The following FBXL17 variants were observed in gnomAD, a reference collection of about 807,000 sequenced individuals.
FBXL17 encodes F-box and leucine rich repeat protein 17, also known as F-box/LRR-repeat protein 17.
A neutral mutation model predicts 66.2 loss-of-function variants in FBXL17; 22 were observed. That is an observed-to-expected ratio of 0.33 (90% CI 0.24 to 0.47). FBXL17 has a LOEUF of 0.47. Ranked by LOEUF, FBXL17 falls within the 20% of genes least tolerant of loss-of-function variation. FBXL17 has a pLI of 1.00. For synonymous variants in FBXL17, 474 were observed against 400.5 expected (o/e 1.18, Z -2.19); for missense variants, 878 against 948.2 (o/e 0.93, Z 0.97).
intron 7 of FBXL17, among the ~76,000 whole-genome samples, chr5:107,914,804 A>G (rs1216844901): frequency 6.6e-6 from 1 of 152,180 alleles, no homozygotes; most frequent in African/African-American, 2.4e-5. Flanking sequence ...GACAAAGTGG[A>G]AGGAATTGGA....
intron 4 of FBXL17, among the ~76,000 whole-genome samples, chr5:108,296,270 G>A (rs533211103): frequency 4.6e-5 from 7 of 151,820 alleles, no homozygotes; most frequent in African/African-American, 1.7e-4. Context: ...AAAAGCAAGA[G>A]GAGTCAAGGG....
intron 4 of FBXL17, among the ~76,000 whole-genome samples, chr5:108,314,056 T>G (rs1189670199): frequency 1.3e-5 from 2 of 151,838 alleles, no homozygotes; most frequent in East Asian, 3.9e-4. Flanking sequence ...AAATAGGAGT[T>G]CTTTGTGCTA....
At chr5:107,929,090 T>C (rs1478102739) in intron 7 of FBXL17, among the ~76,000 whole-genome samples, 1 of 152,182 alleles carries the variant, frequency 6.6e-6, no homozygotes, top group African/African-American at 2.4e-5. Context: ...AAATCTCTCT[T>C]TATCTCAAAG....
At chr5:108,122,687 C>G (rs548008351) in intron 6 of FBXL17, among the ~76,000 whole-genome samples, 1 of 152,282 alleles carries the variant, frequency 6.6e-6, no homozygotes, top group African/African-American at 2.4e-5. Context: ...AACATATACT[C>G]AAAGTCAGGG....
intron 7 of FBXL17, among the ~76,000 whole-genome samples, chr5:107,994,160 T>C (rs1056695372): frequency 6.6e-6 from 1 of 152,198 alleles, no homozygotes. Context: ...TTATTTCCTC[T>C]ACCATTCTAG....
intron 6 of FBXL17, among the ~76,000 whole-genome samples, chr5:108,040,181 C>G (rs955623600): frequency 6.6e-6 from 1 of 152,040 alleles, no homozygotes; most frequent in South Asian, 2.1e-4. Context: ...GTCACTAACA[C>G]GAGCCTCTAA....
intron 4 of FBXL17, among the ~76,000 whole-genome samples, chr5:108,313,224 A>G (rs1353321386): frequency 2.6e-5 from 4 of 152,126 alleles, no homozygotes. Context: ...AAGTACAGAC[A>G]ATCCATTCTA....
intron 8 of FBXL17, among the ~76,000 whole-genome samples, chr5:107,871,973 A>G (rs546624547): frequency 1.3e-5 from 2 of 152,290 alleles, no homozygotes; most frequent in East Asian, 3.9e-4. Flanking sequence ...ACTTTCTTAC[A>G]TAAAGGATAA....
At chr5:108,171,534 C>T (rs901856663) in intron 6 of FBXL17, among the ~76,000 whole-genome samples, 1 of 152,182 alleles carries the variant, frequency 6.6e-6, no homozygotes, top group African/African-American at 2.4e-5. Flanking sequence ...AAACTCTCAG[C>T]CTGACTTAAT....
intron 1 of FBXL17, among the ~76,000 whole-genome samples, chr5:108,375,552 G>A (rs915878520): frequency 2.0e-5 from 3 of 151,918 alleles, no homozygotes; most frequent in Non-Finnish European, 2.9e-5. Flanking sequence ...CAAATTCCTA[G>A]AATATAAACT....
chr5:108,150,336 T>C (rs1751721568), intron 6 of FBXL17, among the ~76,000 whole-genome samples: 2 of 152,176 alleles, frequency 1.3e-5, no homozygotes, highest in South Asian at 4.1e-4. Context: ...CCCCAGTAGC[T>C]AGGACCACAG....
chr5:108,136,135 T>C (rs1257045390), intron 6 of FBXL17, among the ~76,000 whole-genome samples: 1 of 152,142 alleles, frequency 6.6e-6, no homozygotes, highest in Admixed American at 6.5e-5. Flanking sequence ...ATGCTGTTTA[T>C]ATGTAAAAGA....
At chr5:107,999,439 T>A (rs1004292837) in intron 7 of FBXL17, among the ~76,000 whole-genome samples, 17 of 140,930 alleles carry the variant, frequency 1.2e-4, no homozygotes, top group African/African-American at 4.8e-4. Flanking sequence ...TTTTTTTTTT[T>A]ACTTTTGTCA....
chr5:108,190,298 C>G (rs1186803460), intron 5 of FBXL17, among the ~76,000 whole-genome samples: 1 of 152,148 alleles, frequency 6.6e-6, no homozygotes, highest in Admixed American at 6.6e-5. Context: ...CTAGGCTTGT[C>G]TTCAGCTTCC....
chr5:108,202,440 T>C (rs1440158422), intron 5 of FBXL17, among the ~76,000 whole-genome samples: 1 of 152,178 alleles, frequency 6.6e-6, no homozygotes, highest in Non-Finnish European at 1.5e-5. Flanking sequence ...CTTATGTAGA[T>C]GTTGTCTATA....
intron 6 of FBXL17, among the ~76,000 whole-genome samples, chr5:108,151,588 C>T (rs969829889): frequency 4.6e-5 from 7 of 152,188 alleles, no homozygotes; most frequent in Non-Finnish European, 8.8e-5. Context: ...CATCTGTAGA[C>T]ACCCAAAAGA....
intron 6 of FBXL17, among the ~76,000 whole-genome samples, chr5:108,181,093 A>C (rs902351064): frequency 2.0e-5 from 3 of 152,200 alleles, no homozygotes; most frequent in Non-Finnish European, 4.4e-5. Context: ...ATATTGCTAT[A>C]ACAATGCTCA....
chr5:107,871,696 T>C (rs1228191576), intron 8 of FBXL17, among the ~76,000 whole-genome samples: 1 of 151,792 alleles, frequency 6.6e-6, no homozygotes, highest in African/African-American at 2.4e-5. Flanking sequence ...AGAAAGTTGC[T>C]TGGGGGAGTC....
At chr5:108,355,237 T>C (rs1315682711) in intron 3 of FBXL17, among the ~76,000 whole-genome samples, 4 of 151,598 alleles carry the variant, frequency 2.6e-5, no homozygotes, top group Admixed American at 2.6e-4. Context: ...GTAAATAGTA[T>C]CAATAATATA....
Sources: gnomAD v4.1 joint callset for allele counts (sites outside exome capture counted in the v4.1 genomes callset) on GRCh38, gnomAD v4.1.1 for gene constraint, MANE v1.5 for transcripts, NCBI Gene and HGNC (gene_info 2026-07-23, HGNC 2026-07-21) for gene names.